DPP10: variants seen among roughly 807,000 people sequenced by gnomAD.
The protein encoded by DPP10 is inactive dipeptidyl peptidase 10.
In DPP10, 33 loss-of-function variants were observed where a neutral mutation model predicts 120.9. That is an observed-to-expected ratio of 0.27 (90% CI 0.21 to 0.37). The LOEUF is 0.37. Ranked by LOEUF, DPP10 falls within the 10% of genes least tolerant of loss-of-function variation. The probability of loss-of-function intolerance (pLI) is 1.00; values close to 1 mark genes in which losing one functional copy is unlikely to be tolerated. For synonymous variants in DPP10, 337 were observed against 326.1 expected, an observed-to-expected ratio of 1.03 and a Z score of -0.36; for missense variants, 816 against 942.8, an observed-to-expected ratio of 0.87 and a Z score of 1.76.
chr2:114,696,339 T>C (rs1006134712), intron 1 of DPP10, among the ~76,000 whole-genome samples: 1 of 152,076 alleles, frequency 6.6e-6, no homozygotes, highest in Non-Finnish European at 1.5e-5. Flanking sequence ...GAAAATCTTA[T>C]ACAAGTTTAA....
intron 2 of DPP10, among the ~76,000 whole-genome samples, chr2:115,331,100 G>C (rs146752797): frequency 8.6e-5 from 13 of 151,890 alleles, no homozygotes; most frequent in East Asian, 5.8e-4. Context: ...CTTTTATTTC[G>C]TTGAGCAGTG....
chr2:114,965,530 G>A (rs147735008), intron 1 of DPP10, among the ~76,000 whole-genome samples: 44 of 152,272 alleles, frequency 2.9e-4, no homozygotes, highest in African/African-American at 1.1e-3. Flanking sequence ...TAGGAGAGTA[G>A]ATTTGGTTGA....
chr2:115,346,578 A>G (rs1296646268), intron 3 of DPP10, among the ~76,000 whole-genome samples: 4 of 152,156 alleles, frequency 2.6e-5, no homozygotes, highest in Admixed American at 2.6e-4. Context: ...AAGTCTGCTC[A>G]TATCTTTGAA....
At chr2:115,061,485 A>G (rs1559047691) in intron 1 of DPP10, among the ~76,000 whole-genome samples, 1 of 152,218 alleles carries the variant, frequency 6.6e-6, no homozygotes. Context: ...CAAATAACAT[A>G]TTTATCATCC....
At chr2:114,666,364 CT>C (rs1697921458) in intron 1 of DPP10, among the ~76,000 whole-genome samples, 1 of 152,096 alleles carries the variant, frequency 6.6e-6, no homozygotes, top group Non-Finnish European at 1.5e-5. Context: ...TATAATATGG[CT>C]TCTATAAAAA....
rs1018579246 is a variant in DPP10, at chr2:115,843,534, G to A, written c.*1189G>A. On this transcript the variant is annotated 3_prime_UTR_variant, in exon 26 of 26. Transcript: ENST00000410059. The stretch of plus-strand genomic sequence containing the variant: ...TTACTGTTTAATTTCAATTCTTCTG[G>A]TGAGAATTAGAAATGAAATATTTTT... The A allele has an allele frequency of 6.6e-5, 10 of 152,076 alleles. No individual in the cohort carries two copies. Among genetic ancestry groups the A allele is most frequent in the African/African-American group, 2.4e-4 (10 of 41,388 alleles). The allele number at this position is 152,076 out of a possible 1,614,324, so 9.4% of individuals were successfully genotyped here.
intron 11 of DPP10, among the ~76,000 whole-genome samples, chr2:115,761,448 G>A (rs985854031): frequency 3.9e-5 from 6 of 151,924 alleles, no homozygotes; most frequent in Admixed American, 6.6e-5. Context: ...TTTATTCTAC[G>A]TATGGAGATA....
chr2:115,014,540 A>G (rs1702495567), intron 1 of DPP10, among the ~76,000 whole-genome samples: 1 of 152,148 alleles, frequency 6.6e-6, no homozygotes, highest in Non-Finnish European at 1.5e-5. Context: ...CCTTCAAAAA[A>G]CCAATGAATC....
At chr2:115,726,213 T>TA (rs1244061974) in intron 7 of DPP10, among the ~76,000 whole-genome samples, 2 of 152,178 alleles carry the variant, frequency 1.3e-5, no homozygotes, top group African/African-American at 4.8e-5. Flanking sequence ...ATTTAACTAA[T>TA]ATAACATGTA....
At chr2:115,202,455 T>G (rs1337349103) in intron 1 of DPP10, among the ~76,000 whole-genome samples, 2 of 152,236 alleles carry the variant, frequency 1.3e-5, no homozygotes, top group Non-Finnish European at 2.9e-5. Flanking sequence ...ATTCAGCTTC[T>G]TATTGAGAAT....
At chr2:114,444,266 A>G (rs1401433649) in intron 1 of DPP10, among the ~76,000 whole-genome samples, 2 of 152,214 alleles carry the variant, frequency 1.3e-5, no homozygotes, top group African/African-American at 4.8e-5. Context: ...TTATCTAAGC[A>G]TATCACTGAA....
At chr2:114,601,426 T>C (rs943158902) in intron 1 of DPP10, among the ~76,000 whole-genome samples, 2 of 151,932 alleles carry the variant, frequency 1.3e-5, no homozygotes, top group Non-Finnish European at 2.9e-5. Flanking sequence ...TAGAGTTATA[T>C]AGAGATCATA....
At chr2:115,455,645 G>T (rs914704123) in intron 3 of DPP10, among the ~76,000 whole-genome samples, 1 of 151,798 alleles carries the variant, frequency 6.6e-6, no homozygotes, top group Non-Finnish European at 1.5e-5. Context: ...CAAAACAGAG[G>T]CCTCAGAGAC....
intron 1 of DPP10, among the ~76,000 whole-genome samples, chr2:114,643,830 A>G (rs1247977329): frequency 6.6e-6 from 1 of 151,296 alleles, no homozygotes; most frequent in African/African-American, 2.4e-5. Flanking sequence ...ACAAGAACCA[A>G]AGCTAGTTTC....
At chr2:114,794,297 A>G (rs910198886) in intron 1 of DPP10, among the ~76,000 whole-genome samples, 3 of 152,200 alleles carry the variant, frequency 2.0e-5, no homozygotes, top group African/African-American at 7.2e-5. Flanking sequence ...CATTGTTTCA[A>G]TCACACAGCC....
chr2:115,051,022 A>G (rs141439282), intron 1 of DPP10, among the ~76,000 whole-genome samples: 1 of 152,336 alleles, frequency 6.6e-6, no homozygotes, highest in Non-Finnish European at 1.5e-5. Flanking sequence ...GAGAAGAGAA[A>G]AACCTGAATT....
intron 1 of DPP10, among the ~76,000 whole-genome samples, chr2:114,752,330 G>A (rs13395096): frequency 0.012 from 1,795 of 152,222 alleles, 33 homozygotes; most frequent in African/African-American, 0.041. Flanking sequence ...AAGAAATCCT[G>A]CCAAAGTTGA....
intron 1 of DPP10, among the ~76,000 whole-genome samples, chr2:115,269,985 T>A (rs1483271859): frequency 6.6e-6 from 1 of 151,718 alleles, no homozygotes; most frequent in Non-Finnish European, 1.5e-5. Flanking sequence ...CTGTGGGTAT[T>A]TATGATGTGC....
chr2:115,504,858 G>A (rs1485472102), intron 4 of DPP10, among the ~76,000 whole-genome samples: 1 of 152,106 alleles, frequency 6.6e-6, no homozygotes, highest in Non-Finnish European at 1.5e-5. Context: ...CCTTACCCTG[G>A]AAGTCTACTC....
Sources: allele counts gnomAD v4.1 joint callset (sites outside exome capture counted in the v4.1 genomes callset), GRCh38; gene constraint gnomAD v4.1.1; transcripts MANE v1.5; gene names NCBI Gene and HGNC (gene_info 2026-07-23, HGNC 2026-07-21).